The following MAD1L1 variants were observed in gnomAD, a reference collection of about 807,000 sequenced individuals.
MAD1L1 encodes mitotic arrest deficient 1 like 1.
A neutral mutation model predicts 96.9 loss-of-function variants in MAD1L1; 95 were observed. The ratio of observed to expected loss-of-function variants is 0.98; its 90% confidence interval spans 0.83 to 1.16. The LOEUF is 1.16. Among genes scored for constraint, MAD1L1 ranks in the 50% most tolerant of loss-of-function variants. The pLI is 0.00. For synonymous variants in MAD1L1, 473 were observed against 396.6 expected (o/e 1.19, Z -2.29); for missense variants, 1,007 against 954.4 (o/e 1.06, Z -0.73).
intron 18 of MAD1L1, among the ~76,000 whole-genome samples, 167 bp from the exon 19 acceptor site, chr7:1,816,395 C>T (rs1381144944): frequency 6.6e-6 from 1 of 152,170 alleles, no homozygotes; most frequent in African/African-American, 2.4e-5. Flanking sequence ...TCCAGGTCAC[C>T]TAAAGGGACT....
chr7:2,014,773 A>G, intron 12 of MAD1L1, 131 bp from the exon 13 acceptor site: 1 of 1,058,320 alleles, frequency 9.4e-7, no homozygotes, highest in Non-Finnish European at 1.3e-6. Context: ...GCCAGCACTC[A>G]GAGCCCACCC....
At chr7:2,095,569 A>T (rs1786444334) in intron 11 of MAD1L1, among the ~76,000 whole-genome samples, 1 of 152,220 alleles carries the variant, frequency 6.6e-6, no homozygotes, top group African/African-American at 2.4e-5. Flanking sequence ...CAGAGGGGAG[A>T]TAGTGCGTGC....
At chr7:2,147,311 G>A (rs891156046) in intron 11 of MAD1L1, among the ~76,000 whole-genome samples, 7 of 152,198 alleles carry the variant, frequency 4.6e-5, no homozygotes, top group East Asian at 3.8e-4. Flanking sequence ...GGCCTCCTGC[G>A]CCTCTCCACT....
intron 18 of MAD1L1, among the ~76,000 whole-genome samples, chr7:1,888,229 C>CATGT (rs577326391): frequency 7.3e-6 from 1 of 137,262 alleles, no homozygotes; most frequent in African/African-American, 2.8e-5. Context: ...TGCATGCATG[C>CATGT]ATGTATGTGG....
At chr7:2,209,300 G>T (rs1792767626) in intron 10 of MAD1L1, among the ~76,000 whole-genome samples, 1 of 152,164 alleles carries the variant, frequency 6.6e-6, no homozygotes, top group Admixed American at 6.5e-5. Context: ...CTCAGCCAGG[G>T]TTTATCCAAG....
At chr7:1,912,793 C>G (rs573052155) in intron 17 of MAD1L1, among the ~76,000 whole-genome samples, 2 of 152,364 alleles carry the variant, frequency 1.3e-5, no homozygotes, top group South Asian at 2.1e-4. Flanking sequence ...GACGTGACCA[C>G]AGAACACGGC....
At position 2,005,718 on chromosome 7, in the gene MAD1L1, T is replaced by C. The variant is rs115658005; in HGVS notation, c.1360-3597A>G. Reference sequence around the variant, plus strand: ...CAGGGAGCTGAGGCAGGAGGATCTCTTGAGACCAAGAGGTTGAGGCTGCAG... The same window carrying C: ...CAGGGAGCTGAGGCAGGAGGATCTCCTGAGACCAAGAGGTTGAGGCTGCAG... On this transcript the variant is annotated intron_variant, in intron 13 of 18. Coordinates refer to ENST00000265854, the MANE Select transcript of MAD1L1 (RefSeq NM_001013836.2). 9.7e-3 allele frequency among the ~76,000 whole-genome samples: 1,478 copies of C among 152,158 alleles called. 29 individuals carry two copies. The highest frequency in any genetic ancestry group is 0.033 in the African/African-American group (1,374 of 41,482).
chr7:2,070,216 G>A (rs925157719), intron 11 of MAD1L1, among the ~76,000 whole-genome samples: 2 of 152,182 alleles, frequency 1.3e-5, no homozygotes, highest in South Asian at 2.1e-4. Flanking sequence ...AAATGACAGC[G>A]TCCACTGACC....
At chr7:1,840,323 A>T (rs1472332715) in intron 18 of MAD1L1, among the ~76,000 whole-genome samples, 1 of 152,228 alleles carries the variant, frequency 6.6e-6, no homozygotes, top group African/African-American at 2.4e-5. Flanking sequence ...CACCTCCTCC[A>T]GGCAGCCTTC....
intron 15 of MAD1L1, among the ~76,000 whole-genome samples, chr7:1,980,197 G>A (rs1031643657): frequency 1.2e-4 from 19 of 152,028 alleles, no homozygotes; most frequent in African/African-American, 4.6e-4. Context: ...CCTCCCCGCT[G>A]GGGGACACGC....
intron 18 of MAD1L1, among the ~76,000 whole-genome samples, chr7:1,891,632 C>T (rs752621159): frequency 5.3e-5 from 8 of 152,120 alleles, no homozygotes; most frequent in Non-Finnish European, 7.3e-5. Flanking sequence ...GGCTAGAGTG[C>T]GGTGGCGCGA....
At chr7:2,116,696 G>C (rs1787722032) in intron 11 of MAD1L1, among the ~76,000 whole-genome samples, 1 of 152,092 alleles carries the variant, frequency 6.6e-6, no homozygotes, top group Admixed American at 6.5e-5. Context: ...AGAAAAACCA[G>C]AGAAGAAGCC....
chr7:2,219,669 AG>A (rs1316396302), intron 5 of MAD1L1, among the ~76,000 whole-genome samples: 1 of 63,518 alleles, frequency 1.6e-5, no homozygotes. Context: ...CAAGGGGGCA[AG>A]GGGGGCAGAG....
intron 18 of MAD1L1, among the ~76,000 whole-genome samples, chr7:1,855,386 C>A (rs368582843): frequency 7.2e-5 from 11 of 152,134 alleles, no homozygotes; most frequent in African/African-American, 2.6e-4. Context: ...GTTCCGCTTC[C>A]TTCTGCTTGA....
chr7:1,931,809 T>G (rs936067332), intron 17 of MAD1L1, among the ~76,000 whole-genome samples: 2 of 152,226 alleles, frequency 1.3e-5, no homozygotes, highest in Non-Finnish European at 2.9e-5. Context: ...CATGCAACTC[T>G]GCTGTCCCCA....
At chr7:1,849,137 C>T (rs1437080045) in intron 18 of MAD1L1, 2 of 149,100 alleles carry the variant, frequency 1.3e-5, no homozygotes, top group Non-Finnish European at 3.0e-5. Flanking sequence ...TGCACACACA[C>T]GTACACACAT....
intron 17 of MAD1L1, among the ~76,000 whole-genome samples, chr7:1,936,441 C>T (rs1198594255): frequency 6.6e-6 from 1 of 152,202 alleles, no homozygotes; most frequent in Non-Finnish European, 1.5e-5. Context: ...AAATTTCAGC[C>T]CCTTGCTTCT....
chr7:2,108,126 G>A (rs898561644), intron 11 of MAD1L1, among the ~76,000 whole-genome samples: 1 of 152,180 alleles, frequency 6.6e-6, no homozygotes, highest in African/African-American at 2.4e-5. Context: ...CATTATGTAC[G>A]ATAACATTCC....
chr7:2,083,984 C>G (rs1490843468), intron 11 of MAD1L1, among the ~76,000 whole-genome samples: 1 of 152,166 alleles, frequency 6.6e-6, no homozygotes, highest in Admixed American at 6.5e-5. Flanking sequence ...GGCATGGACC[C>G]CCACCCAGTG....
Sources: allele counts gnomAD v4.1 joint callset (sites outside exome capture counted in the v4.1 genomes callset), GRCh38; gene constraint gnomAD v4.1.1; transcripts MANE v1.5; gene names NCBI Gene and HGNC (gene_info 2026-07-23, HGNC 2026-07-21).